The following SAMD5 variants were observed in gnomAD, a reference collection of about 807,000 sequenced individuals.
SAMD5 encodes the protein sterile alpha motif domain containing 5, also known as sterile alpha motif domain-containing protein 5.
SAMD5 carries 13 observed loss-of-function variants against 11.3 expected under a neutral mutation model. The observed-to-expected ratio is 1.15, with a 90% CI of 0.75 to 1.83. The LOEUF is 1.83. Ranked by LOEUF, SAMD5 falls within the 40% of genes most tolerant of loss-of-function variation. The probability of loss-of-function intolerance (pLI) is 0.00; values close to 1 mark genes in which losing one functional copy is unlikely to be tolerated. For missense variants in SAMD5, 255 were observed against 239.1 expected (o/e 1.07, Z -0.44); for synonymous variants, 129 against 111.3 (o/e 1.16, Z -1.00).
chr6:147,616,255 CAT>C (rs1484333206), intron 1 of SAMD5, among the ~76,000 whole-genome samples: 1 of 138,032 alleles, frequency 7.2e-6, no homozygotes. Flanking sequence ...TATATTTATT[CAT>C]ATATATTTCA....
chr6:147,518,123 G>A (rs147318588), intron 1 of SAMD5, among the ~76,000 whole-genome samples: 2 of 152,288 alleles, frequency 1.3e-5, no homozygotes, highest in East Asian at 3.9e-4. Context: ...AAAAGGAGAG[G>A]AATTAGGTAA....
intron 1 of SAMD5, among the ~76,000 whole-genome samples, chr6:147,520,227 C>T (rs921991449): frequency 2.0e-5 from 3 of 151,462 alleles, no homozygotes; most frequent in African/African-American, 7.3e-5. Flanking sequence ...AAGCGATTCT[C>T]CTGCCTTAGC....
At chr6:147,543,205 C>T (rs1040988688) in intron 1 of SAMD5, among the ~76,000 whole-genome samples, 13 of 152,172 alleles carry the variant, frequency 8.5e-5, no homozygotes, top group Non-Finnish European at 1.6e-4. Flanking sequence ...TTCCTTCTAA[C>T]TGCAAAATTC....
intron 1 of SAMD5, among the ~76,000 whole-genome samples, chr6:147,577,711 T>A (rs936863872): frequency 6.6e-6 from 1 of 152,150 alleles, no homozygotes; most frequent in Non-Finnish European, 1.5e-5. Context: ...GATTTTTGAA[T>A]GAAAATAAAT....
the SAMD5 span, among the ~76,000 whole-genome samples, chr6:147,786,249 C>G: frequency 2.6e-5 from 4 of 152,112 alleles, no homozygotes; most frequent in Non-Finnish European, 4.4e-5. Context: ...TGTGAAATAC[C>G]TAGTTTTGAT....
chr6:147,855,139 C>T, the SAMD5 span, among the ~76,000 whole-genome samples: 2 of 152,008 alleles, frequency 1.3e-5, no homozygotes. Context: ...TTATTTATTG[C>T]TGAATGACTA....
At chr6:147,756,375 C>T in the SAMD5 span, among the ~76,000 whole-genome samples, 2 of 151,994 alleles carry the variant, frequency 1.3e-5, no homozygotes, top group Non-Finnish European at 2.9e-5. Flanking sequence ...GATTTGGATC[C>T]TGGGGATGTT....
At chr6:147,825,018 G>C in the SAMD5 span, among the ~76,000 whole-genome samples, 1 of 152,178 alleles carries the variant, frequency 6.6e-6, no homozygotes, top group African/African-American at 2.4e-5. Context: ...CTCAGGGCTG[G>C]GGACGGTGAC....
At chr6:147,722,999 G>A (rs566588497) in intron 1 of SAMD5, among the ~76,000 whole-genome samples, 67 of 152,262 alleles carry the variant, frequency 4.4e-4, no homozygotes, top group African/African-American at 1.5e-3. Flanking sequence ...CTATTTCCTA[G>A]TGTTTCTACT....
At chr6:147,817,589 C>G in the SAMD5 span, among the ~76,000 whole-genome samples, 1 of 152,312 alleles carries the variant, frequency 6.6e-6, no homozygotes, top group East Asian at 1.9e-4. Flanking sequence ...ACAGACGCTT[C>G]GCTTTATTAA....
the SAMD5 span, among the ~76,000 whole-genome samples, chr6:147,842,414 C>T: frequency 8.4e-6 from 1 of 119,554 alleles, no homozygotes; most frequent in Admixed American, 8.1e-5. Context: ...ATTTCTTTAC[C>T]AGGCAACAGA....
chr6:147,763,846 T>C, the SAMD5 span, among the ~76,000 whole-genome samples: 1 of 152,232 alleles, frequency 6.6e-6, no homozygotes, highest in African/African-American at 2.4e-5. Flanking sequence ...CCTCCCAAAG[T>C]GCTGGGATTA....
At chr6:147,923,054 G>A in the SAMD5 span, among the ~76,000 whole-genome samples, 5 of 151,818 alleles carry the variant, frequency 3.3e-5, 1 homozygote, top group South Asian at 1.0e-3. Context: ...ACAGAGTAAC[G>A]ATGATAAAAA....
the SAMD5 span, among the ~76,000 whole-genome samples, chr6:147,756,904 C>T: frequency 5.3e-5 from 8 of 152,206 alleles, no homozygotes; most frequent in African/African-American, 1.9e-4. Context: ...TTGTGGCTTT[C>T]AACATCCTTT....
chr6:147,910,146 C>T, the SAMD5 span, among the ~76,000 whole-genome samples: 2 of 152,014 alleles, frequency 1.3e-5, no homozygotes, highest in Non-Finnish European at 2.9e-5. Context: ...TTAATGTTCT[C>T]AATGACCACA....
the SAMD5 span, among the ~76,000 whole-genome samples, chr6:147,786,065 A>G: frequency 6.6e-6 from 1 of 152,074 alleles, no homozygotes; most frequent in Non-Finnish European, 1.5e-5. Flanking sequence ...TCACTTTTTC[A>G]CATTTTCCGT....
At chr6:147,900,287 GA>G in the SAMD5 span, among the ~76,000 whole-genome samples, 2 of 152,202 alleles carry the variant, frequency 1.3e-5, no homozygotes. Flanking sequence ...ATGAAGCAGA[GA>G]TGATGATCAT....
At chr6:147,645,411 A>G (rs1034891478) in intron 1 of SAMD5, among the ~76,000 whole-genome samples, 2 of 152,156 alleles carry the variant, frequency 1.3e-5, no homozygotes, top group African/African-American at 4.8e-5. Flanking sequence ...ATATAATTTT[A>G]AAGCAAAAAG....
chr6:147,844,756 G>A, the SAMD5 span, among the ~76,000 whole-genome samples: 1 of 151,830 alleles, frequency 6.6e-6, no homozygotes, highest in South Asian at 2.1e-4. Context: ...GCCAGGCACA[G>A]AAAGACAAAT....
Sources: allele counts gnomAD v4.1 joint callset (sites outside exome capture counted in the v4.1 genomes callset), GRCh38; gene constraint gnomAD v4.1.1; transcripts MANE v1.5; gene names NCBI Gene and HGNC (gene_info 2026-07-23, HGNC 2026-07-21).